The following STXBP4 variants were observed in gnomAD, a reference collection of about 807,000 sequenced individuals.
The protein encoded by STXBP4 is syntaxin binding protein 4, also known as syntaxin-binding protein 4.
Under a neutral mutation model 76.1 loss-of-function variants are expected in STXBP4, and 55 were observed. The ratio of observed to expected loss-of-function variants is 0.72; its 90% CI spans 0.58 to 0.91. The LOEUF is 0.91. Ranked by LOEUF, STXBP4 falls within the 40% of genes least tolerant of loss-of-function variation. The pLI, the probability that STXBP4 is intolerant of heterozygous loss-of-function variation, is 0.00. For synonymous variants in STXBP4, 201 were observed against 220.2 expected (o/e 0.91, Z 0.77); for missense variants, 618 against 636.9 (o/e 0.97, Z 0.32).
chr17:54,988,981 A>T (rs2077669553), intron 3 of STXBP4, among the ~76,000 whole-genome samples: 1 of 152,204 alleles, frequency 6.6e-6, no homozygotes, highest in Non-Finnish European at 1.5e-5. Context: ...TGTGCTTTTT[A>T]AAAAAATTTC....
At chr17:55,192,874 G>A in the STXBP4 span, among the ~76,000 whole-genome samples, 2 of 152,142 alleles carry the variant, frequency 1.3e-5, no homozygotes, top group African/African-American at 4.8e-5. Flanking sequence ...CTGACCCAGA[G>A]GAGCCTCTCT....
At chr17:55,022,568 T>G (rs1287164724) in intron 8 of STXBP4, among the ~76,000 whole-genome samples, 1 of 152,026 alleles carries the variant, frequency 6.6e-6, no homozygotes, top group Non-Finnish European at 1.5e-5. Flanking sequence ...AGTAGAAAAT[T>G]CAAAAAACAA....
At chr17:55,109,953 A>G (rs1481926335) in intron 16 of STXBP4, among the ~76,000 whole-genome samples, 2 of 152,140 alleles carry the variant, frequency 1.3e-5, no homozygotes, top group African/African-American at 2.4e-5. Flanking sequence ...ATGTCTTAAA[A>G]CAATACAAAT....
rs1448502589 is a variant in STXBP4 at position 55,172,251 on chromosome 17, C to T, written c.*12340C>T. 1 of 152,180 alleles carries T rather than the reference C, an allele frequency of 6.6e-6. No individual in the cohort carries two copies. The highest frequency in any genetic ancestry group is 1.5e-5 in the Non-Finnish European group (1 of 68,056). The allele number at this position is 152,180 out of a possible 1,614,324, so 9.4% of individuals were successfully genotyped here. On this transcript the variant is annotated 3_prime_UTR_variant, in exon 18 of 18. Transcript: ENST00000376352. ...GCTCTTGGTAGCACATTAGAAACAC[C>T]TGGAGAGATTTTAAAATTTACAAAG...
At position 55,081,868 on chromosome 17, in the gene STXBP4, A is replaced by G. The variant is rs113640529; in HGVS notation, c.1489+685A>G. 3.9e-3 allele frequency among the ~76,000 whole-genome samples: 594 copies of G among 152,318 alleles called. 6 individuals carry two copies. Among genetic ancestry groups the G allele is most frequent in the African/African-American group, 0.014 (573 of 41,564 alleles). ...TAAGGCAATGCTCTAAGTAACTTCC[A>G]TCATCCCAACAGACAGAGAAATCCT... On this transcript the variant is annotated intron_variant, in intron 16 of 17. Transcript: ENST00000376352.
intron 8 of STXBP4, among the ~76,000 whole-genome samples, chr17:55,010,111 GGT>G (rs1160436681): frequency 1.3e-5 from 2 of 151,686 alleles, no homozygotes; most frequent in Non-Finnish European, 2.9e-5. Context: ...CTCGAAAATT[GGT>G]GTTTTAATAA....
intron 7 of STXBP4, among the ~76,000 whole-genome samples, chr17:55,006,070 A>G (rs949710294): frequency 1.3e-5 from 2 of 152,110 alleles, no homozygotes; most frequent in Admixed American, 6.6e-5. Context: ...TTCATAGCCA[A>G]CAATTAGGTA....
chr17:55,153,358 T>C (rs1006038715), intron 17 of STXBP4, among the ~76,000 whole-genome samples: 1 of 152,204 alleles, frequency 6.6e-6, no homozygotes, highest in African/African-American at 2.4e-5. Flanking sequence ...TTAGCATTTA[T>C]ACATGACGGA....
At chr17:55,204,909 T>G in the STXBP4 span, among the ~76,000 whole-genome samples, 1 of 152,028 alleles carries the variant, frequency 6.6e-6, no homozygotes, top group Non-Finnish European at 1.5e-5. Context: ...TCTATATTTC[T>G]TACTGTCTTG....
intron 16 of STXBP4, among the ~76,000 whole-genome samples, chr17:55,131,626 T>C (rs1346193841): frequency 6.6e-6 from 1 of 152,250 alleles, no homozygotes; most frequent in East Asian, 1.9e-4. Context: ...CTTTACCACC[T>C]CTAACCACTA....
intron 13 of STXBP4, among the ~76,000 whole-genome samples, chr17:55,077,210 T>G (rs1216050035): frequency 6.6e-6 from 1 of 152,192 alleles, no homozygotes; most frequent in Non-Finnish European, 1.5e-5. Context: ...TTTGTGTCTG[T>G]GAGATCATGT....
chr17:55,157,796 C>T (rs1598357164), intron 17 of STXBP4, among the ~76,000 whole-genome samples: 1 of 152,218 alleles, frequency 6.6e-6, no homozygotes, highest in South Asian at 2.1e-4. Flanking sequence ...TGGAACTTAC[C>T]ATTTGTACTA....
intron 4 of STXBP4, among the ~76,000 whole-genome samples, chr17:54,992,785 A>G (rs1352628587): frequency 7.3e-6 from 1 of 137,562 alleles, no homozygotes; most frequent in South Asian, 2.2e-4. Flanking sequence ...ATCTCGGCTC[A>G]CTGCAACCTC....
intron 3 of STXBP4, among the ~76,000 whole-genome samples, chr17:54,987,226 T>C (rs2077639078): frequency 1.3e-5 from 2 of 152,216 alleles, no homozygotes; most frequent in African/African-American, 4.8e-5. Context: ...TTAAAAAAAA[T>C]CTTGCTGTTA....
chr17:55,041,398 TG>T (rs1013618745), intron 10 of STXBP4, among the ~76,000 whole-genome samples: 11 of 152,108 alleles, frequency 7.2e-5, no homozygotes, highest in African/African-American at 2.7e-4. Flanking sequence ...GTTTATTTTT[TG>T]TAGAGACATG....
the STXBP4 span, among the ~76,000 whole-genome samples, chr17:55,200,015 A>G: frequency 2.0e-5 from 3 of 152,122 alleles, no homozygotes; most frequent in East Asian, 5.8e-4. Flanking sequence ...ATCTAGCCCC[A>G]CCTTCCCTCC....
chr17:55,170,565 A>G lies in STXBP4; in HGVS notation c.*10654A>G, dbSNP rs2080400920. 6.6e-6 allele frequency: 1 copy of G among 152,172 alleles called. No homozygotes were observed. The highest frequency in any genetic ancestry group is 1.5e-5 in the Non-Finnish European group (1 of 68,020). The allele number at this position is 152,172 out of a possible 1,614,324, so 9.4% of individuals were successfully genotyped here. A position where few individuals can be genotyped will look rare whatever the true frequency, so the allele number is the denominator to read the frequency against. On this transcript the variant is annotated 3_prime_UTR_variant, in exon 18 of 18. Coordinates refer to ENST00000376352, the MANE Select transcript of STXBP4 (RefSeq NM_178509.6). Reference sequence around the variant, plus strand: ...GATTTATTGTGTATGAAAAAAGTGTATCTGATTTGATTATATATTTTTATT... The same window carrying G: ...GATTTATTGTGTATGAAAAAAGTGTGTCTGATTTGATTATATATTTTTATT...
At chr17:55,187,417 C>A in the STXBP4 span, among the ~76,000 whole-genome samples, 1 of 151,436 alleles carries the variant, frequency 6.6e-6, no homozygotes, top group South Asian at 2.1e-4. Flanking sequence ...ATGTGCTGTG[C>A]TGCTTATGAT....
chr17:55,187,949 G>A, the STXBP4 span, among the ~76,000 whole-genome samples: 1 of 152,120 alleles, frequency 6.6e-6, no homozygotes, highest in Non-Finnish European at 1.5e-5. Flanking sequence ...ATGCTATGCC[G>A]AACTCTACAT....
Sources: gnomAD v4.1 joint callset for allele counts (sites outside exome capture counted in the v4.1 genomes callset) on GRCh38, gnomAD v4.1.1 for gene constraint, MANE v1.5 for transcripts, NCBI Gene and HGNC (gene_info 2026-07-23, HGNC 2026-07-21) for gene names.